ELAVL4: variants seen among roughly 807,000 people sequenced by gnomAD.
ELAVL4 encodes the protein ELAV like RNA binding protein 4, also known as ELAV-like protein 4.
Under a neutral mutation model 35.6 loss-of-function variants are expected in ELAVL4, and 1 was observed. The ratio of observed to expected loss-of-function variants is 0.03; its 90% CI spans 0.01 to 0.13. The LOEUF is 0.13. Ranked by LOEUF, ELAVL4 falls within the 10% of genes least tolerant of loss-of-function variation. The pLI is 1.00. For missense variants in ELAVL4, 267 were observed against 464.9 expected (o/e 0.57, Z 3.91); for synonymous variants, 156 against 171.0 (o/e 0.91, Z 0.69).
rs2148844728 is a variant in ELAVL4, at chr1:50,181,508, G to A, written c.354+4316G>A. Among the ~76,000 whole-genome samples, 4 of 152,234 alleles carry A rather than the reference G, an allele frequency of 2.6e-5. 1 individual carries two copies. The highest frequency in any genetic ancestry group is 6.8e-3 in the Middle Eastern group (2 of 292). On this transcript the variant is annotated intron_variant, in intron 3 of 6. Coordinates refer to ENST00000371824, the MANE Select transcript of ELAVL4 (RefSeq NM_001144774.3). Reference sequence around the variant, plus strand: ...AGAGAGCTATGGAGTATGGACCATGGGCTTACATTCACTAGCCTGCCAGAG... The same window carrying A: ...AGAGAGCTATGGAGTATGGACCATGAGCTTACATTCACTAGCCTGCCAGAG...
chr1:50,083,689 G>A (rs1572147637), intron 1 of ELAVL4, among the ~76,000 whole-genome samples: 1 of 152,134 alleles, frequency 6.6e-6, no homozygotes, highest in East Asian at 1.9e-4. Flanking sequence ...TTTCTCCAGG[G>A]CACAGCTGCT....
intron 1 of ELAVL4, among the ~76,000 whole-genome samples, chr1:50,078,418 T>C (rs1664862899): frequency 6.6e-6 from 1 of 152,156 alleles, no homozygotes; most frequent in Non-Finnish European, 1.5e-5. Context: ...ACCCTCAGGT[T>C]GCCGTCTGCC....
At chr1:50,186,036 C>T (rs1039255582) in intron 3 of ELAVL4, among the ~76,000 whole-genome samples, 7 of 152,070 alleles carry the variant, frequency 4.6e-5, no homozygotes, top group African/African-American at 1.7e-4. Context: ...TTAGTACGTA[C>T]TAAGTATGCC....
chr1:50,063,737 G>A (rs1361347834), intron 1 of ELAVL4, among the ~76,000 whole-genome samples: 1 of 152,076 alleles, frequency 6.6e-6, no homozygotes, highest in African/African-American at 2.4e-5. Context: ...ATTGTGACAT[G>A]CGACCCTAGT....
chr1:50,174,346 A>C (rs1679587598), intron 2 of ELAVL4: 3 of 152,176 alleles, frequency 2.0e-5, no homozygotes, highest in Non-Finnish European at 2.9e-5. Context: ...TTCAATTCAC[A>C]GGCAAGTTTT....
chr1:50,081,058 G>A (rs930446885), intron 1 of ELAVL4, among the ~76,000 whole-genome samples: 15 of 152,142 alleles, frequency 9.9e-5, no homozygotes, highest in African/African-American at 3.6e-4. Flanking sequence ...GCTTCTAAAG[G>A]TAGGCTTTCT....
intron 1 of ELAVL4, 178 bp from the exon 2 acceptor site, chr1:50,144,779 G>A (rs749682135): frequency 4.4e-6 from 4 of 902,476 alleles, no homozygotes; most frequent in Middle Eastern, 2.1e-4. Context: ...ATAGAAAGAG[G>A]AGTTTAACAT....
chr1:50,157,241 A>G (rs1675927091), intron 2 of ELAVL4, among the ~76,000 whole-genome samples: 1 of 152,218 alleles, frequency 6.6e-6, no homozygotes, highest in Non-Finnish European at 1.5e-5. Flanking sequence ...TGGTGGATCA[A>G]GCCATTCTGT....
At chr1:50,114,486 G>A (rs1667613572) in intron 1 of ELAVL4, among the ~76,000 whole-genome samples, 1 of 152,036 alleles carries the variant, frequency 6.6e-6, no homozygotes, top group African/African-American at 2.4e-5. Flanking sequence ...TGATCTGTGG[G>A]TGGGTGGGAG....
chr1:50,056,904 C>T (rs929713988), intron 1 of ELAVL4, among the ~76,000 whole-genome samples: 3 of 151,482 alleles, frequency 2.0e-5, no homozygotes. Flanking sequence ...TGCACTCCAG[C>T]CTGGGTGACA....
intron 3 of ELAVL4, among the ~76,000 whole-genome samples, chr1:50,192,680 G>A (rs1231797547): frequency 2.0e-5 from 3 of 152,078 alleles, no homozygotes; most frequent in Non-Finnish European, 1.5e-5. Flanking sequence ...TGTCAGATGT[G>A]CTCTGAAATG....
chr1:50,083,978 C>T (rs1018373430), intron 1 of ELAVL4, among the ~76,000 whole-genome samples: 2 of 152,190 alleles, frequency 1.3e-5, no homozygotes, highest in Admixed American at 6.5e-5. Flanking sequence ...GCATTCCCCT[C>T]ATTGTTGAGA....
intron 1 of ELAVL4, among the ~76,000 whole-genome samples, chr1:50,120,515 G>T (rs960986953): frequency 1.3e-5 from 2 of 151,990 alleles, no homozygotes; most frequent in Non-Finnish European, 2.9e-5. Context: ...ACTTTGAATT[G>T]GTAGCTATGG....
rs12059725 is a variant in ELAVL4 at position 50,156,353 on chromosome 1, G to A, written c.250+11156G>A. On this transcript the variant is annotated intron_variant, in intron 2 of 6. Transcript: ENST00000371824. ...TGAATTCAAACCAGGTGATACATGC[G>A]AAGGCACTTTGTAAATGAAAGCAGT... 2.1e-3 allele frequency among the ~76,000 whole-genome samples: 325 copies of A among 152,258 alleles called. 4 individuals are homozygous for A. Among genetic ancestry groups the A allele is most frequent in the African/African-American group, 7.1e-3 (297 of 41,548 alleles).
At position 50,091,641 on chromosome 1, in the gene ELAVL4, A is replaced by G. The variant is rs1357263689; in HGVS notation, c.18+43459A>G. On this transcript the variant is annotated intron_variant, in intron 1 of 6. Transcript: ENST00000448907. Reference sequence around the variant, plus strand: ...TAACAGACTTTAAAAAGGCACAGCCATGTGTCAGTTTGGAAGGAAAAGAAG... The same window carrying G: ...TAACAGACTTTAAAAAGGCACAGCCGTGTGTCAGTTTGGAAGGAAAAGAAG... Among the ~76,000 whole-genome samples, 3 of 152,242 alleles carry G rather than the reference A, an allele frequency of 2.0e-5. No individual in the cohort carries two copies. In the East Asian group the frequency reaches 5.8e-4, roughly 29 times the overall value.
chr1:50,102,296 TAATAAAATAAAATAAAATAA>T (rs150940225), upstream of ELAVL4, among the ~76,000 whole-genome samples: 671 of 139,094 alleles, frequency 4.8e-3, 5 homozygotes, highest in African/African-American at 0.014. Context: ...AAAAATAAAA[TAATAAAATAAAATAAAATAA>T]AATAAAATAA....
intron 2 of ELAVL4, among the ~76,000 whole-genome samples, chr1:50,146,939 C>T (rs1673828254): frequency 6.6e-6 from 1 of 152,024 alleles, no homozygotes; most frequent in South Asian, 2.1e-4. Context: ...CATGTTTAAA[C>T]AAGCAGATTC....
At chr1:50,102,296 TAATAAAATAAAA>T (rs1313527262), upstream of ELAVL4, among the ~76,000 whole-genome samples, 3 of 139,066 alleles carry the variant, frequency 2.2e-5, no homozygotes, top group Non-Finnish European at 4.6e-5. Flanking sequence ...AAAAATAAAA[TAATAAAATAAAA>T]TAAAATAAAA....
At chr1:50,109,677 G>C in intron 1 of ELAVL4, 1 of 506,918 alleles carries the variant, frequency 2.0e-6, no homozygotes, top group Non-Finnish European at 3.6e-6. Flanking sequence ...GGGCAGTTGT[G>C]TTTCGGGGGA....
Sources: gnomAD v4.1 joint callset for allele counts (sites outside exome capture counted in the v4.1 genomes callset) on GRCh38, gnomAD v4.1.1 for gene constraint, MANE v1.5 for transcripts, NCBI Gene and HGNC (gene_info 2026-07-23, HGNC 2026-07-21) for gene names.